Variants in PKHD1 observed in about 807,000 individuals in gnomAD.
PKHD1 encodes fibrocystin.
A neutral mutation model predicts 412.0 loss-of-function variants in PKHD1; 291 were observed. That is an observed-to-expected ratio of 0.71 (90% CI 0.64 to 0.78). The LOEUF (loss-of-function observed/expected upper bound fraction) is 0.78. Ranked by LOEUF, PKHD1 falls within the 30% of genes least tolerant of loss-of-function variation. PKHD1 has a pLI of 0.00. For missense variants in PKHD1, 4,825 were observed against 4,950.7 expected, an observed-to-expected ratio of 0.97 and a Z score of 0.76; for synonymous variants, 1,777 against 1,821.5, an observed-to-expected ratio of 0.98 and a Z score of 0.62.
chr6:51,628,862 T>A (rs34913068), intron 65 of PKHD1, among the ~76,000 whole-genome samples: 3 of 152,062 alleles, frequency 2.0e-5, no homozygotes, highest in African/African-American at 7.2e-5. Flanking sequence ...GGCAAAATAA[T>A]AGAGACATAG....
At chr6:51,990,875 G>A (rs984228400) in intron 35 of PKHD1, among the ~76,000 whole-genome samples, 1 of 151,976 alleles carries the variant, frequency 6.6e-6, no homozygotes, top group Non-Finnish European at 1.5e-5. Context: ...TTAGCCACAG[G>A]GCCTAGGGCA....
At chr6:52,070,714 G>A (rs902337733) in intron 9 of PKHD1, among the ~76,000 whole-genome samples, 4 of 152,110 alleles carry the variant, frequency 2.6e-5, no homozygotes, top group African/African-American at 4.8e-5. Flanking sequence ...AAGAGCCCAG[G>A]CTTCGAGTTA....
chr6:52,083,146 A>G lies in PKHD1; in HGVS notation c.130+32T>C, dbSNP rs1434034371. 2.2e-6 allele frequency: 3 copies of G among 1,388,778 alleles called. No homozygotes were observed. The Admixed American group carries it at 5.0e-5, about 23-fold the overall frequency. 86.0% of individuals were successfully genotyped at this position (1,388,778 alleles called of 1,614,324 possible). On this transcript the variant is annotated intron_variant, in intron 3 of 66. Coordinates refer to ENST00000371117, the MANE Select transcript of PKHD1 (RefSeq NM_138694.4). ...CTTTAGGATTGTGGGTCAATACATA[A>G]GAAATGTGCACTTGGTAAAACCCCA...
At chr6:51,795,647 G>C (rs752451634) in intron 52 of PKHD1, among the ~76,000 whole-genome samples, 11 of 152,120 alleles carry the variant, frequency 7.2e-5, no homozygotes, top group Non-Finnish European at 1.0e-4. Flanking sequence ...CCATTCAATA[G>C]AATATTGGCT....
At position 52,045,090 on chromosome 6, in the gene PKHD1, T is replaced by G; in HGVS notation, c.2593-2A>C. The G allele has an allele frequency of 6.2e-7, 1 of 1,612,886 alleles. No individual in the cohort carries two copies. On this transcript the variant is annotated splice_acceptor_variant, in intron 24 of 66. Coordinates refer to ENST00000371117, the MANE Select transcript of PKHD1 (RefSeq NM_138694.4). LOFTEE classifies it high-confidence loss of function. ...TCCAGTAAGGTTTTCATCAGAGACC[T>G]GAGATGGTTACATTTCTGGTAAATT...
intron 52 of PKHD1, among the ~76,000 whole-genome samples, chr6:51,791,678 C>G (rs1348241934): frequency 1.3e-5 from 2 of 152,158 alleles, no homozygotes; most frequent in South Asian, 4.1e-4. Context: ...AGCTCCCTAC[C>G]CTTTGTCCTG....
At chr6:51,814,287 C>A (rs971155866) in intron 52 of PKHD1, among the ~76,000 whole-genome samples, 1 of 152,186 alleles carries the variant, frequency 6.6e-6, no homozygotes, top group Non-Finnish European at 1.5e-5. Context: ...CTACGATTCT[C>A]TCAGTCACAG....
intron 37 of PKHD1, among the ~76,000 whole-genome samples, chr6:51,922,585 G>C (rs953519772): frequency 2.0e-5 from 3 of 152,158 alleles, no homozygotes; most frequent in African/African-American, 7.2e-5. Context: ...GCTGAGCTGC[G>C]GTGGGCTCCA....
chr6:51,735,406 A>G (rs1019573670), intron 60 of PKHD1, among the ~76,000 whole-genome samples: 3 of 152,212 alleles, frequency 2.0e-5, no homozygotes, highest in Admixed American at 6.5e-5. Flanking sequence ...ATTTAGCATA[A>G]TGCCTGGCAC....
rs1554183763 is a variant in PKHD1, at chr6:51,659,931, GA to G, written c.10194del (p.Leu3399Ter). On this transcript the variant is annotated frameshift_variant, in exon 61 of 67. Coordinates refer to ENST00000371117, the MANE Select transcript of PKHD1 (RefSeq NM_138694.4). LOFTEE classifies it high-confidence loss of function. The part of the protein sequence containing the change: ...FREEQKCTYQ[F>X]LMQGFICKQT... ...TGTTTGCAGATGAATCCTTGCATCAGAAATTGGTATGTACATTTCTGTTCTT... is the reference window on the plus strand; with the variant it reads ...TGTTTGCAGATGAATCCTTGCATCAGAATTGGTATGTACATTTCTGTTCTT... 6.2e-7 allele frequency: 1 copy of G among 1,611,912 alleles called. No individual in the cohort carries two copies. Among genetic ancestry groups the G allele is most frequent in the Non-Finnish European group, 8.5e-7 (1 of 1,178,306 alleles).
At chr6:51,628,719 C>T (rs1403482540) in intron 65 of PKHD1, among the ~76,000 whole-genome samples, 3 of 152,186 alleles carry the variant, frequency 2.0e-5, no homozygotes, top group African/African-American at 7.2e-5. Flanking sequence ...CTTTTCTCCA[C>T]AACCTCGCCA....
rs1442392452 is a variant in PKHD1 at position 51,618,952 on chromosome 6, A to G, written c.*129T>C. 5.8e-6 allele frequency: 5 copies of G among 864,146 alleles called. No homozygotes were observed. The highest frequency in any genetic ancestry group is 9.7e-6 in the Non-Finnish European group (5 of 516,282). 53.5% of individuals were successfully genotyped at this position (864,146 alleles called of 1,614,324 possible). On this transcript the variant is annotated 3_prime_UTR_variant, in exon 67 of 67. Transcript: ENST00000371117. The stretch of plus-strand genomic sequence containing the variant: ...GACTGTTTTCCATTTTAAAGTTGAA[A>G]AAGGGATTCAGAGTCCACATTCTCT...
chr6:52,071,859 A>G (rs1810660312), intron 8 of PKHD1, among the ~76,000 whole-genome samples: 1 of 152,184 alleles, frequency 6.6e-6, no homozygotes, highest in African/African-American at 2.4e-5. Flanking sequence ...AGCTTGGCCT[A>G]TGGTAAGCCC....
At position 51,617,465 on chromosome 6, in the gene PKHD1, C is replaced by T. The variant is rs1057283957; in HGVS notation, c.*1616G>A. ...AGGACTTACTCAGCATGGCAGCCAG[C>T]TTGTGCCTCCAGAGTAAACGTCTAT... On this transcript the variant is annotated 3_prime_UTR_variant, in exon 67 of 67. Transcript: ENST00000371117. The T allele has an allele frequency of 1.3e-5, 2 of 152,202 alleles. No homozygotes were observed. The highest frequency in any genetic ancestry group is 4.8e-5 in the African/African-American group (2 of 41,446). 9.4% of individuals were successfully genotyped at this position (152,202 alleles called of 1,614,324 possible). A position where few individuals can be genotyped will look rare whatever the true frequency, so the allele number is the denominator to read the frequency against.
At chr6:51,720,436 T>C (rs1047511670) in intron 60 of PKHD1, among the ~76,000 whole-genome samples, 4 of 152,170 alleles carry the variant, frequency 2.6e-5, no homozygotes, top group Non-Finnish European at 5.9e-5. Context: ...CAGCCTGCTT[T>C]CCTCCAGTGC....
intron 37 of PKHD1, among the ~76,000 whole-genome samples, chr6:51,929,149 T>C (rs2499458): frequency 0.062 from 9,414 of 152,046 alleles, 665 homozygotes; most frequent in African/African-American, 0.17. Context: ...TAAAAATATA[T>C]TGTTGGATAA....
chr6:51,629,167 G>A lies in PKHD1; in HGVS notation c.11666-2051C>T, dbSNP rs145860332. 9.9e-4 allele frequency among the ~76,000 whole-genome samples: 150 copies of A among 152,154 alleles called. 1 individual carries two copies. Among genetic ancestry groups the A allele is most frequent in the Middle Eastern group, 3.4e-3 (1 of 294 alleles). Reference sequence around the variant, plus strand: ...ACATAGGCCTTGGCAAAGTTTTCATGTGAAGTCTCCAAAAGCAAATGCAAC... The same window carrying A: ...ACATAGGCCTTGGCAAAGTTTTCATATGAAGTCTCCAAAAGCAAATGCAAC... On this transcript the variant is annotated intron_variant, in intron 65 of 66. Transcript: ENST00000371117.
In PKHD1 at chr6:51,778,872, C is replaced by T. The variant is rs1791504310; in HGVS notation, c.8441-2951G>A. 2.6e-5 allele frequency among the ~76,000 whole-genome samples: 4 copies of T among 152,124 alleles called. No individual in the cohort carries two copies. In the South Asian group the frequency reaches 6.2e-4, roughly 24 times the overall value. On this transcript the variant is annotated intron_variant, in intron 53 of 66. Transcript: ENST00000371117. The stretch of plus-strand genomic sequence containing the variant: ...GAAATTATTTACCCTTCCTTCAACT[C>T]ACTCTCCTCTGTGCTCATGAGATTT...
chr6:51,779,819 G>A lies in PKHD1; in HGVS notation c.8441-3898C>T, dbSNP rs1274724514. ...AAAAAAATACAATAATGATACAGCA[G>A]TTTTGAATAATGCAATTTGCATATT... is the stretch of plus-strand genomic sequence containing the variant. On this transcript the variant is annotated intron_variant, in intron 53 of 66. Coordinates refer to ENST00000371117, the MANE Select transcript of PKHD1 (RefSeq NM_138694.4). Among the ~76,000 whole-genome samples, 3 of 151,700 alleles carry A rather than the reference G, an allele frequency of 2.0e-5. No homozygotes were observed. The East Asian group carries it at 5.8e-4, about 29-fold the overall frequency.
Sources: allele counts gnomAD v4.1 joint callset (sites outside exome capture counted in the v4.1 genomes callset), GRCh38; gene constraint gnomAD v4.1.1; transcripts MANE v1.5; gene names NCBI Gene and HGNC (gene_info 2026-07-23, HGNC 2026-07-21).